Variants in CLSTN2 observed in about 807,000 individuals in gnomAD.
The protein encoded by CLSTN2 is calsyntenin 2.
In CLSTN2, 48 loss-of-function variants were observed where a neutral mutation model predicts 101.2. The ratio of observed to expected loss-of-function variants is 0.47; its 90% CI spans 0.38 to 0.60. The LOEUF is 0.60. CLSTN2 is among the 20% of genes least tolerant of loss of function. CLSTN2 has a pLI of 0.00. For missense variants in CLSTN2, 1,160 were observed against 1,238.2 expected (o/e 0.94, Z 0.95); for synonymous variants, 481 against 463.6 (o/e 1.04, Z -0.48).
chr3:140,270,459 G>A (rs72990170), intron 2 of CLSTN2, among the ~76,000 whole-genome samples: 2,474 of 152,184 alleles, frequency 0.016, 52 homozygotes, highest in African/African-American at 0.055. Context: ...GGTGTCTGCC[G>A]TCCGGTTGTT....
chr3:140,403,206 A>T (rs560132462), intron 2 of CLSTN2, among the ~76,000 whole-genome samples: 1 of 152,312 alleles, frequency 6.6e-6, no homozygotes, highest in Non-Finnish European at 1.5e-5. Context: ...TGGAACTCAC[A>T]TAGACTCACG....
At chr3:140,398,776 T>C (rs2088210292) in intron 2 of CLSTN2, among the ~76,000 whole-genome samples, 2 of 152,222 alleles carry the variant, frequency 1.3e-5, no homozygotes, top group South Asian at 4.1e-4. Flanking sequence ...TGTTCAAAAG[T>C]ATTCAAAGGA....
intron 2 of CLSTN2, among the ~76,000 whole-genome samples, chr3:140,231,104 A>G (rs971320118): frequency 3.3e-5 from 5 of 152,194 alleles, no homozygotes; most frequent in Admixed American, 1.3e-4. Context: ...TCTCACCACC[A>G]TAACAGTCAA....
At chr3:140,315,805 C>T (rs61614313) in intron 2 of CLSTN2, among the ~76,000 whole-genome samples, 2,554 of 152,244 alleles carry the variant, frequency 0.017, 62 homozygotes, top group African/African-American at 0.056. Context: ...ACATCCCTCC[C>T]GTTATAATCA....
chr3:139,982,597 G>A (rs1016650824), intron 1 of CLSTN2, among the ~76,000 whole-genome samples: 3 of 152,146 alleles, frequency 2.0e-5, no homozygotes, highest in Admixed American at 2.0e-4. Flanking sequence ...CCCACCACTG[G>A]GTGGTAGTGT....
At chr3:139,985,061 G>C (rs1328154099) in intron 1 of CLSTN2, among the ~76,000 whole-genome samples, 1 of 152,136 alleles carries the variant, frequency 6.6e-6, no homozygotes, top group Non-Finnish European at 1.5e-5. Flanking sequence ...CCACAAGCAA[G>C]CGCACACCAT....
intron 1 of CLSTN2, among the ~76,000 whole-genome samples, chr3:140,062,380 T>C (rs1353389378): frequency 2.0e-5 from 3 of 152,196 alleles, no homozygotes; most frequent in Admixed American, 2.0e-4. Flanking sequence ...TATTCTATTA[T>C]CTTTCTGAGC....
At chr3:140,004,622 A>G (rs2006917258) in intron 1 of CLSTN2, among the ~76,000 whole-genome samples, 1 of 152,200 alleles carries the variant, frequency 6.6e-6, no homozygotes, top group African/African-American at 2.4e-5. Flanking sequence ...AACATAGTGG[A>G]GATTTTCATC....
chr3:140,015,905 C>T (rs1055745062), intron 1 of CLSTN2, among the ~76,000 whole-genome samples: 15 of 152,224 alleles, frequency 9.9e-5, no homozygotes, highest in African/African-American at 3.4e-4. Context: ...CTTTAAGTTT[C>T]CCAGTTGGTA....
chr3:139,984,524 G>A (rs1935989695), intron 1 of CLSTN2, among the ~76,000 whole-genome samples: 1 of 151,966 alleles, frequency 6.6e-6, no homozygotes, highest in Non-Finnish European at 1.5e-5. Context: ...TAACATTGTT[G>A]ACCACCTCTT....
At chr3:140,071,527 C>T (rs1169258021) in intron 1 of CLSTN2, among the ~76,000 whole-genome samples, 1 of 152,206 alleles carries the variant, frequency 6.6e-6, no homozygotes, top group Non-Finnish European at 1.5e-5. Flanking sequence ...GCAATCCATA[C>T]ATACACAATA....
chr3:140,358,804 T>C (rs1400512407), intron 2 of CLSTN2, among the ~76,000 whole-genome samples: 1 of 152,084 alleles, frequency 6.6e-6, no homozygotes, highest in Non-Finnish European at 1.5e-5. Flanking sequence ...GTTTTTTTAA[T>C]GCCCCAGATG....
chr3:139,997,029 A>C (rs1040815652), intron 1 of CLSTN2, among the ~76,000 whole-genome samples: 1 of 146,616 alleles, frequency 6.8e-6, no homozygotes, highest in African/African-American at 2.5e-5. Flanking sequence ...CCTGGGCAAC[A>C]AGAGCAAGAC....
intron 2 of CLSTN2, among the ~76,000 whole-genome samples, chr3:140,241,046 G>T (rs542481027): frequency 1.3e-5 from 2 of 152,180 alleles, no homozygotes; most frequent in African/African-American, 4.8e-5. Context: ...GATAATGCAT[G>T]AAGTCAGCTT....
intron 8 of CLSTN2, among the ~76,000 whole-genome samples, chr3:140,489,986 C>A: frequency 7.9e-6 from 1 of 126,812 alleles, no homozygotes; most frequent in Non-Finnish European, 1.6e-5. Flanking sequence ...AGGAGGATGG[C>A]AACAGACAAG....
chr3:140,439,989 G>C (rs1336294385), intron 5 of CLSTN2, among the ~76,000 whole-genome samples: 2 of 152,214 alleles, frequency 1.3e-5, no homozygotes, highest in Admixed American at 6.5e-5. Flanking sequence ...CAACTTTTAT[G>C]TGCCAGGCAT....
chr3:140,060,479 A>G (rs1433209311), intron 1 of CLSTN2, among the ~76,000 whole-genome samples: 1 of 152,154 alleles, frequency 6.6e-6, no homozygotes, highest in South Asian at 2.1e-4. Context: ...TTTCCCAGGT[A>G]AGTGAAATGT....
intron 5 of CLSTN2, among the ~76,000 whole-genome samples, chr3:140,440,505 T>C (rs563929644): frequency 6.6e-6 from 1 of 152,336 alleles, no homozygotes; most frequent in East Asian, 1.9e-4. Flanking sequence ...GAAAAAGCCA[T>C]GTAATTTAAT....
chr3:140,227,498 G>A (rs1036733359), intron 2 of CLSTN2, among the ~76,000 whole-genome samples: 5 of 152,178 alleles, frequency 3.3e-5, no homozygotes, highest in Admixed American at 6.5e-5. Flanking sequence ...GGCTTTTCCA[G>A]GTGCACAGTG....
Sources: gnomAD v4.1 joint callset for allele counts (sites outside exome capture counted in the v4.1 genomes callset) on GRCh38, gnomAD v4.1.1 for gene constraint, MANE v1.5 for transcripts, NCBI Gene and HGNC (gene_info 2026-07-23, HGNC 2026-07-21) for gene names.